Variants in ARHGEF11 observed in about 807,000 individuals in gnomAD.
ARHGEF11 encodes Rho guanine exchange factor (GEF) 11.
In ARHGEF11, 55 loss-of-function variants were observed where a neutral mutation model predicts 193.7. That is an observed-to-expected ratio of 0.28 (90% confidence interval 0.23 to 0.36). ARHGEF11 has a LOEUF of 0.36. ARHGEF11 is among the 10% of genes least tolerant of loss of function. The pLI is 1.00. For missense variants in ARHGEF11, 1,723 were observed against 2,005.6 expected (o/e 0.86, Z 2.69); for synonymous variants, 693 against 768.0 (o/e 0.90, Z 1.62).
chr1:157,004,434 C>T (rs1230637738), intron 1 of ARHGEF11, among the ~76,000 whole-genome samples: 1 of 152,170 alleles, frequency 6.6e-6, no homozygotes, highest in Non-Finnish European at 1.5e-5. Flanking sequence ...TCTCAGAAAC[C>T]ACAATTACAG....
intron 1 of ARHGEF11, among the ~76,000 whole-genome samples, chr1:157,017,166 T>C (rs994809596): frequency 3.9e-5 from 6 of 152,204 alleles, no homozygotes; most frequent in African/African-American, 1.4e-4. Context: ...AATACTTTCT[T>C]ATCAATGACC....
At position 156,935,925 on chromosome 1, in the gene ARHGEF11, C is replaced by T. The variant is rs74584761; in HGVS notation, c.*75G>A. 10 of 1,513,810 alleles carry T rather than the reference C, an allele frequency of 6.6e-6. No individual in the cohort carries two copies. The South Asian group carries it at 7.4e-5, about 11-fold the overall frequency. The allele number at this position is 1,513,810 out of a possible 1,614,324, so 93.8% of individuals were successfully genotyped here. A position where few individuals can be genotyped will look rare whatever the true frequency, so the allele number is the denominator to read the frequency against. ...CACAGGGAGGAGTGTTGGGATCCCC[C>T]CTACCCTGTGCCCCGGTCTCAGGCC... On this transcript the variant is annotated 3_prime_UTR_variant, in exon 41 of 41. Coordinates refer to ENST00000368194, the MANE Select transcript of ARHGEF11 (RefSeq NM_198236.3).
chr1:156,963,553 C>T lies in ARHGEF11; in HGVS notation c.1005G>A (p.Glu335=). Residue 335 remains glutamate (E), a synonymous_variant, in exon 12 of 41, where the codon GAG becomes GAA. Transcript: ENST00000368194. ...QSPKPLIIGP[E]EDYDPGYFNN... ...TGAAATAACCCGGGTCATAGTCTTC[C>T]TCTGGGCCAATAATTAAAGGCTTTG... 1 of 1,614,076 alleles carries T rather than the reference C, an allele frequency of 6.2e-7. No homozygotes were observed. The highest frequency in any genetic ancestry group is 8.5e-7 in the Non-Finnish European group (1 of 1,179,996).
At chr1:156,995,194 A>C (rs1666305612) in intron 1 of ARHGEF11, among the ~76,000 whole-genome samples, 1 of 152,134 alleles carries the variant, frequency 6.6e-6, no homozygotes, top group Admixed American at 6.5e-5. Context: ...CCATTCTTAC[A>C]CACAGAGTGA....
At chr1:156,959,289 G>A (rs2102126208) in intron 15 of ARHGEF11, 147 bp from the exon 16 acceptor site, 1 of 678,614 alleles carries the variant, frequency 1.5e-6, no homozygotes, top group East Asian at 2.7e-5. Context: ...AAAAGGAGAG[G>A]AGGCCTGGAC....
chr1:156,946,627 G>C lies in ARHGEF11; in HGVS notation c.2694+35C>G, dbSNP rs752096274. ...GGAGATCCTTGGTGACCTTGATGGA[G>C]ATGAAGGAAGGCCAAGGCATGGCCA... On this transcript the variant is annotated intron_variant, in intron 28 of 40. Coordinates refer to ENST00000368194, the MANE Select transcript of ARHGEF11 (RefSeq NM_198236.3). The C allele has an allele frequency of 5.0e-6, 8 of 1,612,330 alleles. No individual in the cohort carries two copies. The Middle Eastern group carries it at 1.2e-3, about 233-fold the overall frequency.
intron 19 of ARHGEF11, 47 bp downstream of exon 19, chr1:156,956,373 C>T (rs746729160): frequency 5.6e-6 from 9 of 1,601,444 alleles, no homozygotes; most frequent in Non-Finnish European, 6.8e-6. Context: ...CCTTGGCATT[C>T]CAAAGTACTA....
rs1290328606 is a variant in ARHGEF11, at chr1:156,959,935, C to G, written c.1282+483G>C. Among the ~76,000 whole-genome samples the G allele has an allele frequency of 8.4e-5, 10 of 119,500 alleles. 1 individual carries two copies. The highest frequency in any genetic ancestry group is 2.5e-4 in the Admixed American group (3 of 12,046). The allele number at this position is 119,500 out of a possible 152,430, so 78.4% of individuals were successfully genotyped here. A position where few individuals can be genotyped will look rare whatever the true frequency, so the allele number is the denominator to read the frequency against. On this transcript the variant is annotated intron_variant, in intron 15 of 40. Coordinates refer to ENST00000368194, the MANE Select transcript of ARHGEF11 (RefSeq NM_198236.3). ...TAAAAACAAAAATAACCCCCCCTCC[C>G]CCCCCCCCAAAAAAAACAATAAGAA...
intron 7 of ARHGEF11, among the ~76,000 whole-genome samples, chr1:156,974,744 G>A (rs1367167048): frequency 6.6e-6 from 1 of 152,192 alleles, no homozygotes; most frequent in Non-Finnish European, 1.5e-5. Flanking sequence ...GACACTCCAT[G>A]TAAGTGGAAT....
rs772634099 is a variant in ARHGEF11, at chr1:156,936,968, A to T, written c.4478T>A (p.Leu1493His). The change falls in exon 40 of 41, where the codon CTT (leucine) becomes CAT (histidine). Residue 1493 changes from leucine (L) to histidine (H), a missense_variant. Transcript: ENST00000368194. ...GGTGCCACCAGATGACTCTCCCCCA[A>T]GGGACTTGAGCAGCTCTCTGTGGGC... is the stretch of plus-strand genomic sequence containing the variant. The part of the protein sequence containing the change: ...ELAHRELLKS[L>H]GGESSGGTTP... 3 of 1,613,986 alleles carry T rather than the reference A, an allele frequency of 1.9e-6. No homozygotes were observed. The highest frequency in any genetic ancestry group is 2.5e-6 in the Non-Finnish European group (3 of 1,179,944).
intron 1 of ARHGEF11, among the ~76,000 whole-genome samples, chr1:156,988,624 T>A (rs936205170): frequency 6.6e-6 from 1 of 152,112 alleles, no homozygotes; most frequent in Non-Finnish European, 1.5e-5. Flanking sequence ...CAGTTCCACA[T>A]AATCAAAGGC....
intron 1 of ARHGEF11, among the ~76,000 whole-genome samples, chr1:156,996,600 C>T (rs367758572): frequency 2.0e-5 from 3 of 151,704 alleles, no homozygotes; most frequent in South Asian, 2.1e-4. Flanking sequence ...GGTGAAACCC[C>T]GTCTCTACTA....
At position 156,958,806 on chromosome 1, in the gene ARHGEF11, C is replaced by T; in HGVS notation, c.1438G>A (p.Asp480Asn). Reference sequence around the variant, plus strand: ...TGGCGCTCTCGGAGAGGGTCCCCATCCAGGTCCAGCAGGTCATTTTCACCA... The same window carrying T: ...TGGCGCTCTCGGAGAGGGTCCCCATTCAGGTCCAGCAGGTCATTTTCACCA... ...LYGENDLLDL[D>N]GDPLRERQVA... The change falls in exon 17 of 41, where the codon GAT becomes AAT. Residue 480 changes from aspartate (D) to asparagine (N), a missense_variant. Asp to Asn is a conservative substitution (Grantham distance 23). Around this residue, in one of 5 missense-constraint regions of ARHGEF11, gnomAD observed 646 missense variants for 710.7 expected, o/e 0.91. Coordinates refer to ENST00000368194, the MANE Select transcript of ARHGEF11 (RefSeq NM_198236.3). 1 of 1,614,188 alleles carries T rather than the reference C, an allele frequency of 6.2e-7. No individual in the cohort carries two copies. The highest frequency in any genetic ancestry group is 8.5e-7 in the Non-Finnish European group (1 of 1,180,030).
At chr1:156,944,536 G>T in intron 30 of ARHGEF11, 103 bp from the exon 31 acceptor site, 2 of 1,279,998 alleles carry the variant, frequency 1.6e-6, no homozygotes, top group Non-Finnish European at 1.1e-6. Flanking sequence ...CTGGGAATTG[G>T]TAAATAAGAA....
intron 7 of ARHGEF11, among the ~76,000 whole-genome samples, chr1:156,974,450 A>C (rs992535514): frequency 2.0e-5 from 3 of 152,192 alleles, no homozygotes; most frequent in African/African-American, 7.2e-5. Context: ...ATTATTGCAT[A>C]AATAATTATG....
At chr1:156,967,858 G>A (rs1217342785) in intron 11 of ARHGEF11, 129 bp downstream of exon 11, 6 of 1,218,928 alleles carry the variant, frequency 4.9e-6, no homozygotes, top group Middle Eastern at 2.8e-4. Context: ...GTAAGTGACT[G>A]TCTCAAAGTT....
intron 40 of ARHGEF11, among the ~76,000 whole-genome samples, chr1:156,936,496 AAATATATATATAT>A (rs1470871605): frequency 3.9e-5 from 3 of 77,720 alleles, no homozygotes; most frequent in Non-Finnish European, 7.0e-5. Flanking sequence ...AAAAAAAAAA[AAATATATATATAT>A]ATATATATAT....
At chr1:157,037,326 AT>A (rs1672166933) in intron 1 of ARHGEF11, among the ~76,000 whole-genome samples, 1 of 152,096 alleles carries the variant, frequency 6.6e-6, no homozygotes, top group Non-Finnish European at 1.5e-5. Context: ...TGCTCTATAT[AT>A]TAATATCAGA....
intron 1 of ARHGEF11, among the ~76,000 whole-genome samples, chr1:156,990,595 C>T (rs1480589262): frequency 6.6e-6 from 1 of 152,134 alleles, no homozygotes; most frequent in Non-Finnish European, 1.5e-5. Flanking sequence ...AGCCAGTAAG[C>T]TTTTATAAAG....
Sources: allele counts gnomAD v4.1 joint callset (sites outside exome capture counted in the v4.1 genomes callset), GRCh38; gene constraint gnomAD v4.1.1; regional missense constraint gnomAD v4.1.1; transcripts MANE v1.5; gene names NCBI Gene and HGNC (gene_info 2026-07-23, HGNC 2026-07-21).